Variants in BCL11A observed in about 807,000 individuals in gnomAD.
BCL11A encodes BCL11 transcription factor A.
A neutral mutation model predicts 55.9 loss-of-function variants in BCL11A; 2 were observed. The ratio of observed to expected loss-of-function variants is 0.04; its 90% CI spans 0.01 to 0.11. The LOEUF (loss-of-function observed/expected upper bound fraction) is 0.11, where lower values mean the gene tolerates loss of function less well. BCL11A is among the 10% of genes least tolerant of loss of function. The pLI is 1.00. For synonymous variants in BCL11A, 465 were observed against 473.4 expected (o/e 0.98, Z 0.23); for missense variants, 817 against 1,137.1 (o/e 0.72, Z 4.05).
At chr2:60,520,259 T>C (rs1214268369) in intron 2 of BCL11A, among the ~76,000 whole-genome samples, 1 of 152,200 alleles carries the variant, frequency 6.6e-6, no homozygotes, top group Admixed American at 6.5e-5. Flanking sequence ...TCTTTAATTT[T>C]CACCCTTACA....
chr2:60,461,141 C>T lies in BCL11A; in HGVS notation c.1771G>A (p.Ala591Thr). The change falls in exon 4 of 4, where the codon GCC becomes ACC. Residue 591 changes from alanine to threonine, a missense_variant. Around this residue, in one of 4 missense-constraint regions of BCL11A, gnomAD observed 379 missense variants for 425.3 expected, o/e 0.89. Coordinates refer to ENST00000642384, the MANE Select transcript of BCL11A (RefSeq NM_022893.4). ...HRDTCDEDSVAGESDRIDDGT... is the reference protein window; with the variant it reads ...HRDTCDEDSVTGESDRIDDGT... ...TCGTCTATGCGGTCCGACTCGCCGG[C>T]CACCGAGTCTTCGTCGCAAGTGTCC... 6.2e-7 allele frequency: 1 copy of T among 1,611,544 alleles called. No individual in the cohort carries two copies. The highest frequency in any genetic ancestry group is 8.5e-7 in the Non-Finnish European group (1 of 1,179,394).
chr2:60,501,603 T>C (rs1477121673), intron 2 of BCL11A, among the ~76,000 whole-genome samples: 2 of 142,624 alleles, frequency 1.4e-5, no homozygotes, highest in Non-Finnish European at 3.1e-5. Flanking sequence ...GCCTCCTGGG[T>C]TCAAGCAATT....
chr2:60,453,714 T>C (rs1024159120), downstream of BCL11A, among the ~76,000 whole-genome samples: 1 of 152,236 alleles, frequency 6.6e-6, no homozygotes, highest in African/African-American at 2.4e-5. Flanking sequence ...AAGTATATCA[T>C]GGGCATGTAC....
intron 1 of BCL11A, among the ~76,000 whole-genome samples, chr2:60,548,041 AAAG>A (rs1323489362): frequency 6.6e-6 from 1 of 152,222 alleles, no homozygotes; most frequent in Non-Finnish European, 1.5e-5. Context: ...TTTTCAAATA[AAAG>A]AAGACAAACA....
chr2:60,513,387 G>C (rs1205906986), intron 2 of BCL11A, among the ~76,000 whole-genome samples: 2 of 152,194 alleles, frequency 1.3e-5, no homozygotes, highest in African/African-American at 4.8e-5. Context: ...TGCTTCTGGA[G>C]ATGCTGCCTC....
chr2:60,515,548 G>C (rs1668692318), intron 2 of BCL11A, among the ~76,000 whole-genome samples: 1 of 152,200 alleles, frequency 6.6e-6, no homozygotes. Flanking sequence ...TCCAAAGAAA[G>C]CCAAGTTGCT....
chr2:60,542,109 T>C, intron 2 of BCL11A: 5 of 435,394 alleles, frequency 1.1e-5, no homozygotes, highest in Non-Finnish European at 2.1e-5. Flanking sequence ...CTATACTGTC[T>C]AGGCAAATAA....
chr2:60,503,006 AG>A (rs1679378619), intron 2 of BCL11A, among the ~76,000 whole-genome samples: 1 of 152,174 alleles, frequency 6.6e-6, no homozygotes, highest in South Asian at 2.1e-4. Context: ...TGGGCTGTCT[AG>A]GGGGATGGCT....
At chr2:60,530,944 A>G (rs1193540885) in intron 2 of BCL11A, among the ~76,000 whole-genome samples, 1 of 152,170 alleles carries the variant, frequency 6.6e-6, no homozygotes, top group East Asian at 1.9e-4. Flanking sequence ...CTTCAAGTTC[A>G]GGGCGCACCC....
At chr2:60,464,854 CCT>C (rs1196602979) in intron 3 of BCL11A, among the ~76,000 whole-genome samples, 1 of 152,100 alleles carries the variant, frequency 6.6e-6, no homozygotes, top group East Asian at 1.9e-4. Context: ...GTTATCCTCC[CCT>C]CTCTCTCATA....
At chr2:60,536,214 C>G (rs570276787) in intron 2 of BCL11A, 2 of 152,338 alleles carry the variant, frequency 1.3e-5, no homozygotes, top group South Asian at 2.1e-4. Context: ...ATTCCAAGAA[C>G]CTCTCTCCGC....
At chr2:60,539,061 G>A (rs1669802655) in intron 2 of BCL11A, among the ~76,000 whole-genome samples, 1 of 152,180 alleles carries the variant, frequency 6.6e-6, no homozygotes, top group Non-Finnish European at 1.5e-5. Context: ...ATAGATCAAA[G>A]GAGAACAAGA....
At chr2:60,553,140 C>T (rs555018298) in intron 1 of BCL11A, 76 bp downstream of exon 1, 2 of 1,452,884 alleles carry the variant, frequency 1.4e-6, no homozygotes, top group Admixed American at 4.2e-5. Context: ...CCCCTCTCTC[C>T]CCCTCGCTTT....
chr2:60,522,771 A>G (rs1466471342), intron 2 of BCL11A: 2 of 152,292 alleles, frequency 1.3e-5, no homozygotes, highest in African/African-American at 2.4e-5. Flanking sequence ...GTCTTGGAAG[A>G]AAGTGTTCTC....
chr2:60,494,844 C>T (rs761555312), intron 2 of BCL11A, among the ~76,000 whole-genome samples: 1 of 152,110 alleles, frequency 6.6e-6, no homozygotes, highest in Non-Finnish European at 1.5e-5. Context: ...GCCCTTTCCC[C>T]AATTCCTAGT....
intron 2 of BCL11A, among the ~76,000 whole-genome samples, chr2:60,539,802 G>A (rs528328611): frequency 2.0e-5 from 3 of 152,098 alleles, no homozygotes; most frequent in East Asian, 3.8e-4. Flanking sequence ...AATATGGTTC[G>A]TGCTCAAATT....
intron 2 of BCL11A, among the ~76,000 whole-genome samples, chr2:60,519,656 A>T (rs1558468406): frequency 2.0e-5 from 3 of 152,054 alleles, no homozygotes; most frequent in Admixed American, 6.5e-5. Flanking sequence ...ACCACTGGAG[A>T]AAGTGAGGCT....
chr2:60,524,778 G>C (rs1432638242), intron 2 of BCL11A: 1 of 152,144 alleles, frequency 6.6e-6, no homozygotes, highest in East Asian at 1.9e-4. Context: ...GGATAACTTT[G>C]AATGCCCTTT....
At chr2:60,473,028 C>T (rs908742853) in intron 2 of BCL11A, among the ~76,000 whole-genome samples, 6 of 131,100 alleles carry the variant, frequency 4.6e-5, no homozygotes, top group East Asian at 1.9e-4. Flanking sequence ...TGTGTGTTAG[C>T]GTGTGCATGC....
Sources: allele counts gnomAD v4.1 joint callset (sites outside exome capture counted in the v4.1 genomes callset), GRCh38; gene constraint gnomAD v4.1.1; regional missense constraint gnomAD v4.1.1; transcripts MANE v1.5; gene names NCBI Gene and HGNC (gene_info 2026-07-23, HGNC 2026-07-21).